The following TARS3 variants were observed in gnomAD, a reference collection of about 807,000 sequenced individuals.
TARS3 encodes threonyl-tRNA synthetase 3, also known as threonine--tRNA ligase 2, cytoplasmic.
Under a neutral mutation model 103.5 loss-of-function variants are expected in TARS3, and 94 were observed. That is an observed-to-expected ratio of 0.91 (90% confidence interval 0.77 to 1.08). The LOEUF (loss-of-function observed/expected upper bound fraction) is 1.08, where lower values mean the gene tolerates loss of function less well. Ranked by LOEUF, TARS3 falls within the 50% of genes least tolerant of loss-of-function variation. The pLI is 0.00. For missense variants in TARS3, 952 were observed against 995.2 expected (o/e 0.96, Z 0.58); for synonymous variants, 416 against 355.4 (o/e 1.17, Z -1.92).
intron 9 of TARS3, among the ~76,000 whole-genome samples, chr15:101,701,522 A>G (rs908316493): frequency 1.3e-5 from 2 of 152,202 alleles, no homozygotes; most frequent in African/African-American, 2.4e-5. Flanking sequence ...GATGATCATC[A>G]TGGCTGCTGC....
At chr15:101,694,720 C>G (rs181209641) in intron 10 of TARS3, among the ~76,000 whole-genome samples, 48 of 152,316 alleles carry the variant, frequency 3.2e-4, no homozygotes, top group East Asian at 1.9e-3. Context: ...ATATATCATG[C>G]AAACACTAAT....
At chr15:101,701,936 T>C (rs914157761) in intron 9 of TARS3, among the ~76,000 whole-genome samples, 2 of 152,204 alleles carry the variant, frequency 1.3e-5, no homozygotes, top group Admixed American at 6.5e-5. Flanking sequence ...CTGCCACGCC[T>C]GGCTAATTTT....
chr15:101,719,144 G>A (rs996601624), intron 3 of TARS3, among the ~76,000 whole-genome samples: 4 of 152,228 alleles, frequency 2.6e-5, no homozygotes, highest in Non-Finnish European at 1.5e-5. Context: ...CTGCCAGGCT[G>A]TGGGGCCTCA....
At chr15:101,713,261 G>A (rs1266417221) in intron 4 of TARS3, among the ~76,000 whole-genome samples, 3 of 152,198 alleles carry the variant, frequency 2.0e-5, no homozygotes, top group Non-Finnish European at 4.4e-5. Context: ...GGGAAGGCCT[G>A]TGTGACTAAC....
In TARS3 at chr15:101,684,091, A is replaced by C. The variant is rs1293002998; in HGVS notation, c.1634T>G (p.Phe545Cys). Residue 545 changes from phenylalanine (F) to cysteine (C), a missense_variant, in exon 12 of 19, where the codon TTT (phenylalanine) becomes TGT (cysteine). By Grantham distance (205) the Phe-to-Cys change is radical. This residue lies in a region of TARS3 where 540 missense variants were observed against 631.0 expected (regional missense o/e 0.86). Transcript: ENST00000335968. ...ATTGTTTACCTGCTCCACTGTGCAA[A>C]AAATGTGAGCATCGTCCTGCTGGAA... ...RRFQQDDAHIFCTVEQIEEEI... is the reference protein window; with the variant it reads ...RRFQQDDAHICCTVEQIEEEI... The C allele has an allele frequency of 6.2e-7, 1 of 1,613,040 alleles. No homozygotes were observed. Among genetic ancestry groups the C allele is most frequent in the Non-Finnish European group, 8.5e-7 (1 of 1,179,544 alleles).
rs570970698 is a variant in TARS3, at chr15:101,701,105, G to A, written c.1301C>T (p.Thr434Met). ...ACTTACTCGTATGAAATCTGTAAGC[G>A]TATTATAAATGAAGGCTCCTCTGGG... ...FLPRGAFIYN[T>M]LTDFIREEYH... Residue 434 changes from threonine (T) to methionine (M), a missense_variant, in exon 10 of 19, where the codon ACG becomes ATG. Coordinates refer to ENST00000335968, the MANE Select transcript of TARS3 (RefSeq NM_152334.3). 18 of 1,577,378 alleles carry A rather than the reference G, an allele frequency of 1.1e-5. No individual in the cohort carries two copies. The highest frequency in any genetic ancestry group is 1.7e-4 in the Middle Eastern group (1 of 5,934).
At chr15:101,705,882 C>T in intron 6 of TARS3, 135 bp from the exon 7 acceptor site, 2 of 753,604 alleles carry the variant, frequency 2.7e-6, no homozygotes, top group Admixed American at 4.4e-5. Context: ...ATACAAAGAG[C>T]TCACAGCCTT....
At chr15:101,722,642 T>TA (rs35018220) in intron 2 of TARS3, among the ~76,000 whole-genome samples, 34,333 of 58,744 alleles carry the variant, frequency 0.58, 12,658 homozygotes, top group Non-Finnish European at 0.67. Context: ...CCATCTCTAC[T>TA]AAAAAAAAAA....
At chr15:101,672,825 T>C (rs1897864728) in intron 13 of TARS3, among the ~76,000 whole-genome samples, 1 of 152,090 alleles carries the variant, frequency 6.6e-6, no homozygotes, top group South Asian at 2.1e-4. Flanking sequence ...ACTCTGTTTC[T>C]CAAAGGAGAA....
intron 10 of TARS3, among the ~76,000 whole-genome samples, chr15:101,688,226 G>T (rs148006670): frequency 7.8e-4 from 118 of 152,206 alleles, no homozygotes; most frequent in Non-Finnish European, 9.1e-4. Flanking sequence ...ACCAACTAAT[G>T]AATCCAAATG....
chr15:101,675,951 A>G (rs182056272), intron 12 of TARS3, among the ~76,000 whole-genome samples: 115 of 147,196 alleles, frequency 7.8e-4, no homozygotes, highest in Non-Finnish European at 1.0e-3. Flanking sequence ...AGGGAACCGT[A>G]CTGTGAAAAG....
At chr15:101,676,943 C>A (rs1248347432) in intron 12 of TARS3, among the ~76,000 whole-genome samples, 1 of 152,082 alleles carries the variant, frequency 6.6e-6, no homozygotes, top group African/African-American at 2.4e-5. Flanking sequence ...AGCTATTTAT[C>A]CTGATGCTCT....
At chr15:101,720,634 T>C (rs1428341280) in intron 3 of TARS3, among the ~76,000 whole-genome samples, 4 of 152,184 alleles carry the variant, frequency 2.6e-5, no homozygotes, top group Non-Finnish European at 4.4e-5. Context: ...ATTAAATACA[T>C]TTAATTTATT....
chr15:101,686,674 GGGTAA>G (rs1898490285), intron 10 of TARS3, among the ~76,000 whole-genome samples: 1 of 152,018 alleles, frequency 6.6e-6, no homozygotes, highest in African/African-American at 2.4e-5. Context: ...GATCTTTGTT[GGGTAA>G]ATATTTTATG....
intron 12 of TARS3, among the ~76,000 whole-genome samples, chr15:101,677,405 A>G (rs1339408905): frequency 6.6e-6 from 1 of 151,750 alleles, no homozygotes; most frequent in African/African-American, 2.4e-5. Context: ...AGGCCCACCA[A>G]CTCTGGGACT....
Position 101,721,333 on chromosome 15 carries a change from T to A in TARS3, c.370-11A>T, listed in dbSNP as rs1900448406. ...TGGTTGATGCTTCACCTGGAAATTA[T>A]TAGAACATAATGAGATTAATATATA... On this transcript the variant is annotated splice_polypyrimidine_tract_variant and intron_variant, in intron 2 of 18. Coordinates refer to ENST00000335968, the MANE Select transcript of TARS3 (RefSeq NM_152334.3). The A allele has an allele frequency of 1.2e-6, 2 of 1,602,210 alleles. No homozygotes were observed. Among genetic ancestry groups the A allele is most frequent in the Non-Finnish European group, 1.7e-6 (2 of 1,169,820 alleles).
chr15:101,723,986 C>A (rs1900627539), intron 1 of TARS3, 105 bp downstream of exon 1: 5 of 1,122,780 alleles, frequency 4.5e-6, no homozygotes, highest in Non-Finnish European at 5.8e-6. Flanking sequence ...AGGGCACTCC[C>A]CCGGGGCGCC....
intron 17 of TARS3, 130 bp from the exon 18 acceptor site, chr15:101,657,166 G>A (rs978063166): frequency 1.9e-5 from 11 of 591,926 alleles, no homozygotes; most frequent in Admixed American, 3.2e-5. Context: ...GCGGGTCTGC[G>A]TGACCATAAA....
rs550515040 is a variant in TARS3, at chr15:101,713,446, G to T, written c.690+1394C>A. ...ATTTACACACATCATTTGATAGCTC[G>T]ATGGGAATGAATTTCAGGGGACAAA... On this transcript the variant is annotated intron_variant, in intron 4 of 18. Transcript: ENST00000335968. 3.9e-5 allele frequency among the ~76,000 whole-genome samples: 6 copies of T among 152,288 alleles called. No homozygotes were observed. The East Asian group carries it at 9.6e-4, about 24-fold the overall frequency.
Sources: gnomAD v4.1 joint callset for allele counts (sites outside exome capture counted in the v4.1 genomes callset) on GRCh38, gnomAD v4.1.1 for gene constraint, gnomAD v4.1.1 regional missense constraint, MANE v1.5 for transcripts, NCBI Gene and HGNC (gene_info 2026-07-23, HGNC 2026-07-21) for gene names.